Variants in HDAC9 observed in about 807,000 individuals in gnomAD.
HDAC9 encodes MEF-2 interacting transcription repressor (MITR) protein.
A neutral mutation model predicts 139.4 loss-of-function variants in HDAC9; 41 were observed. That is an observed-to-expected ratio of 0.29 (90% CI 0.23 to 0.38). The LOEUF (loss-of-function observed/expected upper bound fraction) is 0.38. Ranked by LOEUF, HDAC9 falls within the 10% of genes least tolerant of loss-of-function variation. HDAC9 has a pLI of 1.00. For synonymous variants in HDAC9, 517 were observed against 476.2 expected (o/e 1.09, Z -1.12); for missense variants, 1,147 against 1,297.0 (o/e 0.88, Z 1.78).
At chr7:18,191,293 T>A (rs1350970152) in intron 2 of HDAC9, among the ~76,000 whole-genome samples, 1 of 152,178 alleles carries the variant, frequency 6.6e-6, no homozygotes, top group Non-Finnish European at 1.5e-5. Flanking sequence ...TGAAGAAAAG[T>A]TACTTAACTT....
At chr7:18,367,500 G>C (rs1193540928) in intron 1 of HDAC9, among the ~76,000 whole-genome samples, 2 of 152,066 alleles carry the variant, frequency 1.3e-5, no homozygotes, top group Non-Finnish European at 2.9e-5. Context: ...TATAATGTTA[G>C]AAATTACAAT....
intron 13 of HDAC9, among the ~76,000 whole-genome samples, chr7:18,733,057 G>A (rs1443723453): frequency 2.8e-5 from 4 of 143,832 alleles, no homozygotes; most frequent in Admixed American, 6.8e-5. Context: ...ATATACATGT[G>A]TATATACGTA....
chr7:18,333,812 G>A (rs973113404), intron 1 of HDAC9, among the ~76,000 whole-genome samples: 2 of 151,274 alleles, frequency 1.3e-5, no homozygotes, highest in Non-Finnish European at 3.0e-5. Context: ...AAAAAGTGGA[G>A]TTTATATATG....
In HDAC9 at chr7:18,155,682, CAG is replaced by C. The variant is rs760545511; in HGVS notation, c.-96-6543_-96-6542del. Reference sequence around the variant, plus strand: ...ATTATTTGCTTTTAAAATGTAAGCACAGAGACTGTGTGTTAGATGTGTGGCCT... The same window carrying C: ...ATTATTTGCTTTTAAAATGTAAGCACAGACTGTGTGTTAGATGTGTGGCCT... On this transcript the variant is annotated intron_variant, in intron 1 of 12. Transcript: ENST00000417496. Among the ~76,000 whole-genome samples, 45 of 152,230 alleles carry C rather than the reference CAG, an allele frequency of 3.0e-4. No homozygotes were observed. In the East Asian group the frequency reaches 4.1e-3, roughly 14 times the overall value.
chr7:18,495,983 G>A lies in HDAC9; in HGVS notation c.-82G>A. The A allele has an allele frequency of 7.4e-7, 1 of 1,353,990 alleles. No individual in the cohort carries two copies. Among genetic ancestry groups the A allele is most frequent in the Non-Finnish European group, 9.5e-7 (1 of 1,056,010 alleles). The allele number at this position is 1,353,990 out of a possible 1,614,324, so 83.9% of individuals were successfully genotyped here. ...TTTCCGGGATAACCTAAACTCCAGA[G>A]AGCTATAGCATCCACTCTGTCCTTT... On this transcript the variant is annotated 5_prime_UTR_variant, in exon 1 of 26. Transcript: ENST00000686413.
chr7:18,301,075 GTT>G (rs35318493), intron 1 of HDAC9, among the ~76,000 whole-genome samples: 4 of 150,504 alleles, frequency 2.7e-5, no homozygotes, highest in African/African-American at 7.3e-5. Context: ...TGAAAACACT[GTT>G]TTTTTTTCCC....
rs992541740 is a variant in HDAC9, at chr7:18,940,449, A to C, written c.2937+4507A>C. The stretch of plus-strand genomic sequence containing the variant: ...AGTCCATTTTTTTCTTTTTCTTGGC[A>C]AAGTTTAGAACTTAGATTTATCAGT... On this transcript the variant is annotated intron_variant, in intron 23 of 25. Coordinates refer to ENST00000686413, the MANE Select transcript of HDAC9 (RefSeq NM_178425.4). 2.0e-5 allele frequency among the ~76,000 whole-genome samples: 3 copies of C among 152,246 alleles called. No homozygotes were observed. In the South Asian group the frequency reaches 6.2e-4, roughly 32 times the overall value.
At chr7:18,273,095 G>C (rs1796492511) in intron 2 of HDAC9, among the ~76,000 whole-genome samples, 1 of 101,228 alleles carries the variant, frequency 9.9e-6, no homozygotes, top group Admixed American at 1.1e-4. Flanking sequence ...AACAAGACAG[G>C]ATGTCTGTTG....
chr7:18,256,598 T>A (rs1440687448), intron 2 of HDAC9, among the ~76,000 whole-genome samples: 1 of 152,352 alleles, frequency 6.6e-6, no homozygotes, highest in East Asian at 1.9e-4. Context: ...AAGGAATTTT[T>A]GAAGCTGAAT....
At position 18,117,687 on chromosome 7, in the gene HDAC9, C is replaced by T. The variant is rs182044586; in HGVS notation, c.-97+30474C>T. 7.2e-5 allele frequency among the ~76,000 whole-genome samples: 11 copies of T among 152,234 alleles called. No individual in the cohort carries two copies. In the East Asian group the frequency reaches 1.9e-3, roughly 27 times the overall value. The stretch of plus-strand genomic sequence containing the variant: ...GAAGCTAGGAAGAGGCAAGGAAGGA[C>T]TCCATCCAGAGTCTGAGAGGGAGCG... On this transcript the variant is annotated intron_variant, in intron 1 of 12. Coordinates refer to the HDAC9 transcript ENST00000417496.
chr7:18,841,618 G>T (rs1378205467), intron 21 of HDAC9, among the ~76,000 whole-genome samples: 4 of 152,090 alleles, frequency 2.6e-5, no homozygotes, highest in African/African-American at 9.7e-5. Flanking sequence ...GTACTTTGTT[G>T]GTCCCAAACC....
chr7:18,494,352 C>T (rs958926429), upstream of HDAC9, among the ~76,000 whole-genome samples: 3 of 152,062 alleles, frequency 2.0e-5, no homozygotes, highest in Admixed American at 6.6e-5. Flanking sequence ...TTTGCCCCCT[C>T]TGACTTCATA....
intron 1 of HDAC9, among the ~76,000 whole-genome samples, chr7:18,104,253 T>G (rs950841884): frequency 5.3e-5 from 8 of 152,236 alleles, no homozygotes; most frequent in African/African-American, 1.9e-4. Flanking sequence ...GTATTTTTTT[T>G]TTTGTTTATA....
intron 22 of HDAC9, among the ~76,000 whole-genome samples, chr7:18,894,177 G>A (rs1035297106): frequency 1.4e-4 from 22 of 152,262 alleles, no homozygotes; most frequent in African/African-American, 5.3e-4. Context: ...AATGGGGAAA[G>A]ATGTGGAAAA....
intron 22 of HDAC9, chr7:18,892,253 A>G (rs906811931): frequency 2.6e-5 from 4 of 152,206 alleles, no homozygotes; most frequent in Non-Finnish European, 4.4e-5. Flanking sequence ...AAAATTCTCT[A>G]TCTAGAATAT....
chr7:18,777,816 G>C (rs563313453), intron 16 of HDAC9, among the ~76,000 whole-genome samples: 22 of 152,080 alleles, frequency 1.4e-4, no homozygotes, highest in African/African-American at 5.3e-4. Context: ...CTGGGCAATA[G>C]AGAATCCTGC....
chr7:18,526,413 T>A (rs1301468525), intron 2 of HDAC9, among the ~76,000 whole-genome samples: 3 of 152,190 alleles, frequency 2.0e-5, no homozygotes, highest in Admixed American at 2.0e-4. Context: ...CAATGGAAAC[T>A]TTTGTTGTAG....
intron 12 of HDAC9, among the ~76,000 whole-genome samples, chr7:18,718,914 T>C (rs1473384754): frequency 6.6e-6 from 1 of 152,234 alleles, no homozygotes; most frequent in Non-Finnish European, 1.5e-5. Flanking sequence ...CCAATTTCTC[T>C]GCATCTTCCA....
At chr7:18,964,124 T>C (rs564630979) in intron 24 of HDAC9, among the ~76,000 whole-genome samples, 1 of 152,146 alleles carries the variant, frequency 6.6e-6, no homozygotes, top group African/African-American at 2.4e-5. Flanking sequence ...TTTGACCTCT[T>C]AGAAACTTAC....
Sources: gnomAD v4.1 joint callset for allele counts (sites outside exome capture counted in the v4.1 genomes callset) on GRCh38, gnomAD v4.1.1 for gene constraint, MANE v1.5 for transcripts, NCBI Gene and HGNC (gene_info 2026-07-23, HGNC 2026-07-21) for gene names.